The following TRABD2B variants were observed in gnomAD, a reference collection of about 807,000 sequenced individuals.
TRABD2B encodes the protein metalloprotease TIKI2.
Under a neutral mutation model 40.1 loss-of-function variants are expected in TRABD2B, and 14 were observed. The observed-to-expected ratio is 0.35, with a 90% CI of 0.23 to 0.55. The LOEUF (loss-of-function observed/expected upper bound fraction) is 0.55. TRABD2B is among the 20% of genes least tolerant of loss of function. The pLI, the probability that TRABD2B is intolerant of heterozygous loss-of-function variation, is 0.90. For synonymous variants in TRABD2B, 263 were observed against 277.0 expected, an observed-to-expected ratio of 0.95 and a Z score of 0.50; for missense variants, 541 against 648.6, an observed-to-expected ratio of 0.83 and a Z score of 1.80.
chr1:47,938,034 T>C (rs1645137142), intron 2 of TRABD2B, among the ~76,000 whole-genome samples: 1 of 152,224 alleles, frequency 6.6e-6, no homozygotes. Flanking sequence ...ATGATATATT[T>C]TGCCAGCCGC....
chr1:47,773,161 G>C (rs952932167), intron 6 of TRABD2B, among the ~76,000 whole-genome samples: 1 of 152,210 alleles, frequency 6.6e-6, no homozygotes, highest in African/African-American at 2.4e-5. Context: ...GATTACCCTA[G>C]TGTGTTGATC....
intron 2 of TRABD2B, among the ~76,000 whole-genome samples, chr1:47,915,856 G>A (rs1035100910): frequency 2.6e-5 from 4 of 152,264 alleles, no homozygotes; most frequent in South Asian, 4.1e-4. Context: ...GTGCCCCCAC[G>A]CTCCCCTACC....
At chr1:47,933,466 T>C (rs1368939717) in intron 2 of TRABD2B, among the ~76,000 whole-genome samples, 7 of 152,166 alleles carry the variant, frequency 4.6e-5, no homozygotes, top group African/African-American at 9.7e-5. Context: ...GAGTTTCTGA[T>C]AGTCTCACAT....
chr1:47,848,042 A>G (rs1460626543), intron 2 of TRABD2B, among the ~76,000 whole-genome samples: 1 of 151,998 alleles, frequency 6.6e-6, no homozygotes, highest in East Asian at 1.9e-4. Context: ...AGGCTGCTCC[A>G]CCCCGTTTTA....
At chr1:47,871,287 A>G (rs1322015080) in intron 2 of TRABD2B, among the ~76,000 whole-genome samples, 2 of 152,136 alleles carry the variant, frequency 1.3e-5, no homozygotes, top group African/African-American at 4.8e-5. Flanking sequence ...AGGAAACCCC[A>G]GCATACGCCG....
At chr1:47,865,971 G>A (rs1019263987) in intron 2 of TRABD2B, among the ~76,000 whole-genome samples, 1 of 152,052 alleles carries the variant, frequency 6.6e-6, no homozygotes, top group African/African-American at 2.4e-5. Context: ...ATCTATAAAG[G>A]GAGAGACTCA....
At chr1:47,990,821 AT>A (rs1645998735) in intron 2 of TRABD2B, among the ~76,000 whole-genome samples, 2 of 79,512 alleles carry the variant, frequency 2.5e-5, no homozygotes, top group African/African-American at 5.5e-5. Flanking sequence ...ATATATATAT[AT>A]ATATATATAT....
intron 2 of TRABD2B, among the ~76,000 whole-genome samples, chr1:47,961,204 A>AT (rs1645509303): frequency 6.6e-6 from 1 of 152,242 alleles, no homozygotes; most frequent in Admixed American, 6.5e-5. Flanking sequence ...CTTATACAAA[A>AT]ATTGATTCAA....
At chr1:47,869,371 A>G (rs1435522682) in intron 2 of TRABD2B, among the ~76,000 whole-genome samples, 1 of 152,234 alleles carries the variant, frequency 6.6e-6, no homozygotes, top group Non-Finnish European at 1.5e-5. Flanking sequence ...TAGGTCTGCA[A>G]TGTGCTGGAA....
chr1:47,906,913 G>A lies in TRABD2B; in HGVS notation c.666+87121C>T, dbSNP rs114030327. Among the ~76,000 whole-genome samples, 442 of 152,316 alleles carry A rather than the reference G, an allele frequency of 2.9e-3. 4 individuals are homozygous for A. Among genetic ancestry groups the A allele is most frequent in the African/African-American group, 0.01 (419 of 41,582 alleles). On this transcript the variant is annotated intron_variant, in intron 2 of 6. Coordinates refer to ENST00000606738, the MANE Select transcript of TRABD2B (RefSeq NM_001194986.2). The stretch of plus-strand genomic sequence containing the variant: ...TCCCTTGTGCTGTCGGTCCCCCTCC[G>A]GCAATAGGCACAATGTTAGAAAACA...
chr1:47,791,774 C>T (rs1223932706), intron 4 of TRABD2B, among the ~76,000 whole-genome samples: 1 of 152,224 alleles, frequency 6.6e-6, no homozygotes, highest in Non-Finnish European at 1.5e-5. Flanking sequence ...GGACTTCCCT[C>T]ACCACAGCTT....
At chr1:47,963,034 A>G (rs904360032) in intron 2 of TRABD2B, among the ~76,000 whole-genome samples, 1 of 152,216 alleles carries the variant, frequency 6.6e-6, no homozygotes. Flanking sequence ...CCATCCATCC[A>G]TTCATTCATT....
intron 2 of TRABD2B, among the ~76,000 whole-genome samples, chr1:47,969,993 T>C (rs1645658230): frequency 6.6e-6 from 1 of 152,096 alleles, no homozygotes; most frequent in Non-Finnish European, 1.5e-5. Flanking sequence ...TCCAAAATGT[T>C]TGGGGAAGGA....
At chr1:47,877,001 C>T (rs544622947) in intron 2 of TRABD2B, among the ~76,000 whole-genome samples, 1 of 152,194 alleles carries the variant, frequency 6.6e-6, no homozygotes, top group Admixed American at 6.5e-5. Context: ...AGCTTACAGT[C>T]AGGTAAGGAA....
intron 2 of TRABD2B, among the ~76,000 whole-genome samples, chr1:47,960,009 T>C (rs1645487360): frequency 6.6e-6 from 1 of 152,178 alleles, no homozygotes; most frequent in African/African-American, 2.4e-5. Flanking sequence ...AAAAAGCTTA[T>C]CCACCACGAT....
rs568951447 is a variant in TRABD2B at position 47,961,088 on chromosome 1, C to T, written c.666+32946G>A. 2.6e-4 allele frequency among the ~76,000 whole-genome samples: 39 copies of T among 152,230 alleles called. 1 individual carries two copies. Among genetic ancestry groups the T allele is most frequent in the Admixed American group, 7.8e-4 (12 of 15,296 alleles). ...CTACAACCATCTGACCTTTGACAAA[C>T]CTGACAAAAACAAGAAATGGGGAAA... On this transcript the variant is annotated intron_variant, in intron 2 of 6. Transcript: ENST00000606738.
rs555627977 is a variant in TRABD2B, at chr1:47,765,697, C to T, written c.*205G>A. Reference sequence around the variant, plus strand: ...TATGGACACGTATTTTACAAAAGAGCCCCATAGCACTATGGGAAATTAAGA... The same window carrying T: ...TATGGACACGTATTTTACAAAAGAGTCCCATAGCACTATGGGAAATTAAGA... On this transcript the variant is annotated 3_prime_UTR_variant, in exon 7 of 7. Coordinates refer to ENST00000606738, the MANE Select transcript of TRABD2B (RefSeq NM_001194986.2). 3.3e-6 allele frequency: 2 copies of T among 603,100 alleles called. No homozygotes were observed. The highest frequency in any genetic ancestry group is 5.9e-6 in the Non-Finnish European group (2 of 339,760). 37.4% of individuals were successfully genotyped at this position (603,100 alleles called of 1,614,324 possible).
At chr1:47,829,251 T>C (rs909162977) in intron 2 of TRABD2B, among the ~76,000 whole-genome samples, 1 of 152,044 alleles carries the variant, frequency 6.6e-6, no homozygotes, top group African/African-American at 2.4e-5. Flanking sequence ...GAGCTGCCCA[T>C]AGAGTTCTTC....
intron 2 of TRABD2B, among the ~76,000 whole-genome samples, chr1:47,817,652 G>A (rs1345980657): frequency 6.6e-6 from 1 of 152,120 alleles, no homozygotes; most frequent in Non-Finnish European, 1.5e-5. Flanking sequence ...TCTGCTGGGG[G>A]AGCCCAACTC....
Sources: gnomAD v4.1 joint callset for allele counts (sites outside exome capture counted in the v4.1 genomes callset) on GRCh38, gnomAD v4.1.1 for gene constraint, MANE v1.5 for transcripts, NCBI Gene and HGNC (gene_info 2026-07-23, HGNC 2026-07-21) for gene names.